Variants in EIF4E observed in about 807,000 individuals in gnomAD.
The protein encoded by EIF4E is eIF-4F 25 kDa subunit.
For synonymous variants in EIF4E, 71 were observed against 88.5 expected, an observed-to-expected ratio of 0.80 and a Z score of 1.11; for missense variants, 113 against 265.6, an observed-to-expected ratio of 0.43 and a Z score of 3.99.
chr4:98,919,694 G>A lies in EIF4E; in HGVS notation c.18+9401C>T, dbSNP rs1725564696. Among the ~76,000 whole-genome samples, 3 of 151,816 alleles carry A rather than the reference G, an allele frequency of 2.0e-5. No individual in the cohort carries two copies. The South Asian group carries it at 6.2e-4, about 32-fold the overall frequency. On this transcript the variant is annotated intron_variant, in intron 1 of 6. Coordinates refer to ENST00000450253, the MANE Select transcript of EIF4E (RefSeq NM_001968.5). The stretch of plus-strand genomic sequence containing the variant: ...CTGTCTCAGCCTCCCGAGTAGCTGG[G>A]ACTACAGGCACGTGCCACCACACCC...
chr4:98,917,434 C>T (rs1725436298), intron 1 of EIF4E, among the ~76,000 whole-genome samples: 4 of 151,762 alleles, frequency 2.6e-5, no homozygotes, highest in African/African-American at 7.3e-5. Flanking sequence ...ACTGGTTTCC[C>T]GAAAAAGGGC....
intron 1 of EIF4E, among the ~76,000 whole-genome samples, chr4:98,908,899 T>A (rs1204800035): frequency 2.0e-5 from 3 of 152,224 alleles, no homozygotes; most frequent in East Asian, 3.8e-4. Flanking sequence ...CATGTCCTAG[T>A]TCTACCTGTT....
chr4:98,926,750 A>G (rs1725886206), intron 1 of EIF4E, among the ~76,000 whole-genome samples: 1 of 152,250 alleles, frequency 6.6e-6, no homozygotes, highest in Non-Finnish European at 1.5e-5. Flanking sequence ...TAAGTTCCTT[A>G]AGGGTTTACA....
intron 1 of EIF4E, among the ~76,000 whole-genome samples, chr4:98,902,216 T>C (rs916183993): frequency 6.6e-6 from 1 of 152,110 alleles, no homozygotes; most frequent in African/African-American, 2.4e-5. Context: ...GGATTACAGA[T>C]GTGTGCCACC....
chr4:98,917,121 CACACACACACACAA>C (rs1396103303), intron 1 of EIF4E, among the ~76,000 whole-genome samples: 41 of 57,268 alleles, frequency 7.2e-4, no homozygotes, highest in Admixed American at 1.6e-3. Flanking sequence ...CACACACACA[CACACACACACACAA>C]AAAAAACCCA....
At chr4:98,896,506 A>AAAAAAC (rs1724405634) in intron 2 of EIF4E, among the ~76,000 whole-genome samples, 1 of 148,954 alleles carries the variant, frequency 6.7e-6, no homozygotes, top group African/African-American at 2.5e-5. Flanking sequence ...AAAAAAAAAA[A>AAAAAAC]AAAACACCTT....
intron 1 of EIF4E, among the ~76,000 whole-genome samples, chr4:98,907,768 G>A (rs1422020107): frequency 6.6e-6 from 1 of 152,098 alleles, no homozygotes; most frequent in African/African-American, 2.4e-5. Flanking sequence ...GTGATCTAGG[G>A]TAAGTCCTTA....
chr4:98,887,095 C>A lies in EIF4E; in HGVS notation c.383G>T (p.Arg128Leu). The A allele has an allele frequency of 6.2e-7, 1 of 1,613,300 alleles. No homozygotes were observed. The highest frequency in any genetic ancestry group is 8.5e-7 in the Non-Finnish European group (1 of 1,179,772). ...AAACCTTACTGTCTCTAGCCAAAAG[C>A]GATCGAGGTCACTTCGTCTCTGCTG... is the stretch of plus-strand genomic sequence containing the variant. ...NKQQRRSDLD[R>L]FWLETLLCLI... The change falls in exon 5 of 7, where the codon CGC (arginine) becomes CTC (leucine). Residue 128 changes from arginine (R) to leucine (L), a missense_variant. By Grantham distance (102) the Arg-to-Leu change is moderately radical (BLOSUM62 -2). Coordinates refer to ENST00000450253, the MANE Select transcript of EIF4E (RefSeq NM_001968.5). The surrounding 1 kb of genome is among the most constrained non-coding windows in gnomAD (Gnocchi z 4.0).
chr4:98,913,669 T>TA (rs1725248360), intron 1 of EIF4E, among the ~76,000 whole-genome samples: 1 of 152,136 alleles, frequency 6.6e-6, no homozygotes, highest in Non-Finnish European at 1.5e-5. Flanking sequence ...ATATATACCT[T>TA]AAAAAAATTT....
At chr4:98,905,996 TC>T (rs924993591) in intron 1 of EIF4E, among the ~76,000 whole-genome samples, 1 of 152,230 alleles carries the variant, frequency 6.6e-6, no homozygotes, top group Non-Finnish European at 1.5e-5. Flanking sequence ...CTTTAGGTTC[TC>T]CTCATCATGT....
intron 2 of EIF4E, among the ~76,000 whole-genome samples, chr4:98,896,343 A>G (rs1382060625): frequency 6.6e-6 from 1 of 151,072 alleles, no homozygotes; most frequent in African/African-American, 2.4e-5. Context: ...CTGCACGCCA[A>G]CGTGAGTGAT....
chr4:98,893,271 AGAG>A (rs1724235505), intron 2 of EIF4E, among the ~76,000 whole-genome samples: 1 of 152,234 alleles, frequency 6.6e-6, no homozygotes, highest in African/African-American at 2.4e-5. Flanking sequence ...CTGACTGATC[AGAG>A]TAGTGGTTGC....
intron 2 of EIF4E, among the ~76,000 whole-genome samples, chr4:98,892,507 G>A (rs1724193674): frequency 6.6e-6 from 1 of 151,222 alleles, no homozygotes; most frequent in South Asian, 2.1e-4. Context: ...GGTGAAACCT[G>A]GTTTCTACTA....
chr4:98,902,006 T>C (rs1724672088), intron 1 of EIF4E, 24 bp from the exon 2 acceptor site: 1 of 1,578,842 alleles, frequency 6.3e-7, no homozygotes, highest in African/African-American at 1.3e-5. Context: ...ATATAAAACA[T>C]TATTTTAAAT....
chr4:98,884,632 AG>A (rs1176041887), intron 6 of EIF4E, among the ~76,000 whole-genome samples: 1 of 152,140 alleles, frequency 6.6e-6, no homozygotes, highest in African/African-American at 2.4e-5. Context: ...TGAACCCGGG[AG>A]GCGGAGGTTG....
In EIF4E at chr4:98,903,206, A is replaced by C. The variant is rs531966608; in HGVS notation, c.19-1224T>G. On this transcript the variant is annotated intron_variant, in intron 1 of 6. Transcript: ENST00000450253. ...AGGCACTAGGACAAAGACTGATACCAAAAAAAGGGCAATGCAACAAGTGTT... is the reference window on the plus strand; with the variant it reads ...AGGCACTAGGACAAAGACTGATACCCAAAAAAGGGCAATGCAACAAGTGTT... Among the ~76,000 whole-genome samples, 15 of 152,300 alleles carry C rather than the reference A, an allele frequency of 9.8e-5. No individual in the cohort carries two copies. The South Asian group carries it at 3.1e-3, about 32-fold the overall frequency.
chr4:98,929,035 A>T, intron 1 of EIF4E, 60 bp downstream of exon 1: 1 of 1,570,596 alleles, frequency 6.4e-7, no homozygotes, highest in Non-Finnish European at 8.6e-7. Context: ...GGAGTCCCCC[A>T]GTCAGAAGGA....
At chr4:98,892,914 A>G (rs1243782220) in intron 2 of EIF4E, among the ~76,000 whole-genome samples, 1 of 152,190 alleles carries the variant, frequency 6.6e-6, no homozygotes, top group Non-Finnish European at 1.5e-5. Context: ...CTCTTAAAAT[A>G]GTTTTATTCC....
At chr4:98,883,775 C>T (rs1723800783) in intron 6 of EIF4E, among the ~76,000 whole-genome samples, 1 of 151,962 alleles carries the variant, frequency 6.6e-6, no homozygotes, top group South Asian at 2.1e-4. Context: ...AGCATGGTGG[C>T]TCACGCCTGT....
Sources: gnomAD v4.1 joint callset for allele counts (sites outside exome capture counted in the v4.1 genomes callset) on GRCh38, gnomAD v4.1.1 for gene constraint, Gnocchi (gnomAD v3.1) non-coding constraint, MANE v1.5 for transcripts, NCBI Gene and HGNC (gene_info 2026-07-23, HGNC 2026-07-21) for gene names.